The following THSD4 variants were observed in gnomAD, a reference collection of about 807,000 sequenced individuals.
The protein encoded by THSD4 is thrombospondin type 1 domain containing 4.
THSD4 carries 69 observed loss-of-function variants against 119.0 expected under a neutral mutation model. The ratio of observed to expected loss-of-function variants is 0.58; its 90% CI spans 0.48 to 0.71. The LOEUF is 0.71. THSD4 is among the 30% of genes least tolerant of loss of function. The pLI is 0.00. For missense variants in THSD4, 1,393 were observed against 1,391.1 expected (o/e 1.00, Z -0.02); for synonymous variants, 524 against 540.4 (o/e 0.97, Z 0.42).
At chr15:71,104,653 G>T (rs1219789697) in intron 1 of THSD4, among the ~76,000 whole-genome samples, 1 of 152,218 alleles carries the variant, frequency 6.6e-6, no homozygotes, top group Non-Finnish European at 1.5e-5. Flanking sequence ...TTTTAGGGAG[G>T]CAGGAGTTAT....
intron 3 of THSD4, chr15:71,165,477 G>A (rs1596234947): frequency 2.3e-6 from 3 of 1,287,378 alleles, no homozygotes; most frequent in East Asian, 4.6e-5. Context: ...GCTCTCACTT[G>A]CCCTGGCGCT....
intron 7 of THSD4, among the ~76,000 whole-genome samples, chr15:71,564,545 C>T (rs1442739013): frequency 6.7e-6 from 1 of 150,284 alleles, no homozygotes; most frequent in Non-Finnish European, 1.5e-5. Flanking sequence ...GATTCCATTA[C>T]CCAAAACCCT....
chr15:71,137,791 G>T (rs2040565066), intron 1 of THSD4, among the ~76,000 whole-genome samples: 2 of 152,062 alleles, frequency 1.3e-5, no homozygotes. Context: ...TAGAGCAGTG[G>T]CCTCCAATAA....
At chr15:71,328,156 C>T (rs1423764803) in intron 6 of THSD4, among the ~76,000 whole-genome samples, 5 of 152,106 alleles carry the variant, frequency 3.3e-5, no homozygotes, top group East Asian at 1.9e-4. Context: ...ACTGGGACAC[C>T]GTATTTTCGT....
At chr15:71,364,158 G>A (rs574745890) in intron 6 of THSD4, among the ~76,000 whole-genome samples, 1 of 152,146 alleles carries the variant, frequency 6.6e-6, no homozygotes, top group Non-Finnish European at 1.5e-5. Flanking sequence ...GTGGGGTGGG[G>A]TGGACAATTT....
chr15:71,172,727 A>ATATATG (rs2043391936), intron 3 of THSD4, among the ~76,000 whole-genome samples: 1 of 105,078 alleles, frequency 9.5e-6, no homozygotes, highest in East Asian at 2.6e-4. Context: ...ATATATATAT[A>ATATATG]TATATATGTG....
At chr15:71,428,191 G>A (rs1167517389) in intron 7 of THSD4, among the ~76,000 whole-genome samples, 1 of 152,172 alleles carries the variant, frequency 6.6e-6, no homozygotes, top group Admixed American at 6.5e-5. Flanking sequence ...AGTAGGATCT[G>A]TTATGGTATA....
intron 3 of THSD4, chr15:71,165,562 C>T (rs1427360883): frequency 7.7e-6 from 5 of 646,698 alleles, no homozygotes; most frequent in Non-Finnish European, 1.1e-5. Flanking sequence ...TAGCAAGAGC[C>T]TTTTTCCTGT....
chr15:71,672,138 G>C (rs1256730479), intron 8 of THSD4, among the ~76,000 whole-genome samples: 3 of 152,260 alleles, frequency 2.0e-5, no homozygotes, highest in Non-Finnish European at 4.4e-5. Context: ...TTTTCCATTT[G>C]TTTGTGTCTT....
intron 2 of THSD4, among the ~76,000 whole-genome samples, chr15:71,150,114 A>G (rs538446213): frequency 2.1e-4 from 32 of 152,288 alleles, no homozygotes; most frequent in African/African-American, 7.5e-4. Flanking sequence ...TTGTTTGCCA[A>G]AGGCCCTGGT....
intron 7 of THSD4, among the ~76,000 whole-genome samples, chr15:71,565,272 C>T (rs559791662): frequency 7.2e-5 from 11 of 152,296 alleles, no homozygotes; most frequent in African/African-American, 2.4e-4. Context: ...ACAAAGTGAC[C>T]TCAGAGTGCT....
rs188969738 is a variant in THSD4, at chr15:71,229,129, A to G, written c.465-13520A>G. On this transcript the variant is annotated intron_variant, in intron 4 of 17. Coordinates refer to ENST00000261862, the MANE Select transcript of THSD4 (RefSeq NM_024817.3). ...TTAAGCTCTTTAGAGGCTTGCCCTT[A>G]TTCATTCAGTCACATTTGTTAATAT... is the stretch of plus-strand genomic sequence containing the variant. Among the ~76,000 whole-genome samples, 1,394 of 152,288 alleles carry G rather than the reference A, an allele frequency of 9.2e-3. 26 individuals carry two copies. Among genetic ancestry groups the G allele is most frequent in the African/African-American group, 0.03 (1,266 of 41,568 alleles).
intron 7 of THSD4, among the ~76,000 whole-genome samples, chr15:71,653,617 C>T (rs930015256): frequency 2.6e-5 from 4 of 152,146 alleles, no homozygotes; most frequent in African/African-American, 9.7e-5. Flanking sequence ...GAAGCCCTCA[C>T]CTTGAGGAAG....
intron 1 of THSD4, among the ~76,000 whole-genome samples, chr15:71,139,744 C>T (rs1422702866): frequency 6.6e-6 from 1 of 152,160 alleles, no homozygotes; most frequent in Non-Finnish European, 1.5e-5. Flanking sequence ...TTTATTTTCC[C>T]ACCCACATTT....
At chr15:71,435,216 G>C (rs2046996759) in intron 7 of THSD4, among the ~76,000 whole-genome samples, 1 of 151,654 alleles carries the variant, frequency 6.6e-6, no homozygotes, top group Non-Finnish European at 1.5e-5. Context: ...CTGGTTCTCT[G>C]ACTGGGAAAC....
In THSD4 at chr15:71,313,867, T is replaced by C. The variant is rs568556716; in HGVS notation, c.1015+57152T>C. ...TCATTACTGGCATCAATTGTTCCTG[T>C]TAGAATGAGGGCTTAGGTAGTTAGA... On this transcript the variant is annotated intron_variant, in intron 6 of 17. Transcript: ENST00000261862. Among the ~76,000 whole-genome samples, 4 of 152,320 alleles carry C rather than the reference T, an allele frequency of 2.6e-5. No individual in the cohort carries two copies. In the South Asian group the frequency reaches 8.3e-4, roughly 32 times the overall value.
At chr15:71,732,399 G>C (rs1006878726) in intron 10 of THSD4, 76 of 152,300 alleles carry the variant, frequency 5.0e-4, no homozygotes, top group African/African-American at 1.5e-3. Flanking sequence ...CTTTCTCTCG[G>C]CTGGCACTGG....
At chr15:71,366,651 A>T (rs778939151) in intron 6 of THSD4, among the ~76,000 whole-genome samples, 15 of 151,976 alleles carry the variant, frequency 9.9e-5, no homozygotes, top group Non-Finnish European at 1.9e-4. Flanking sequence ...CTTATGTGGG[A>T]TTTCAAATCA....
At chr15:71,130,669 G>A (rs2040495196) in intron 1 of THSD4, among the ~76,000 whole-genome samples, 1 of 152,172 alleles carries the variant, frequency 6.6e-6, no homozygotes, top group Admixed American at 6.5e-5. Context: ...CTGCTTCATA[G>A]GGTTGTCTTT....
Sources: gnomAD v4.1 joint callset for allele counts (sites outside exome capture counted in the v4.1 genomes callset) on GRCh38, gnomAD v4.1.1 for gene constraint, MANE v1.5 for transcripts, NCBI Gene and HGNC (gene_info 2026-07-23, HGNC 2026-07-21) for gene names.